The following EIF4G1 variants were observed in gnomAD, a reference collection of about 807,000 sequenced individuals.
EIF4G1 encodes eukaryotic translation initiation factor 4 gamma 1, also known as EIF4-gamma.
A neutral mutation model predicts 187.8 loss-of-function variants in EIF4G1; 4 were observed. The observed-to-expected ratio is 0.02, with a 90% CI of 0.01 to 0.05. The LOEUF (loss-of-function observed/expected upper bound fraction) is 0.05. Among genes scored for constraint, EIF4G1 ranks in the 10% least tolerant of loss-of-function variants. The probability of loss-of-function intolerance (pLI) is 1.00; values close to 1 mark genes in which losing one functional copy is unlikely to be tolerated. For synonymous variants in EIF4G1, 844 were observed against 781.4 expected (o/e 1.08, Z -1.34); for missense variants, 1,647 against 2,081.1 (o/e 0.79, Z 4.06).
At chr3:184,331,681 G>A in intron 30 of EIF4G1, 47 bp from the exon 31 acceptor site, 1 of 1,614,048 alleles carries the variant, frequency 6.2e-7, no homozygotes, top group South Asian at 1.1e-5. Context: ...AATGAAGACT[G>A]AAGGGCCCAA....
rs552262633 is a variant in EIF4G1, at chr3:184,332,379, C to T, written c.4618+293C>T. On this transcript the variant is annotated intron_variant, in intron 32 of 32. Coordinates refer to ENST00000346169, the MANE Select transcript of EIF4G1 (RefSeq NM_198241.3). ...ATCTTCCCAGTACCGTGTGCCCCCA[C>T]GGCGTGGCACAGGGCTGAAATGCTT... is the stretch of plus-strand genomic sequence containing the variant. 5.9e-5 allele frequency among the ~76,000 whole-genome samples: 9 copies of T among 152,328 alleles called. No individual in the cohort carries two copies. The Middle Eastern group carries it at 0.014, about 230-fold the overall frequency.
rs1409430751 is a variant in EIF4G1 at position 184,321,548 on chromosome 3, G to A, written c.964G>A (p.Glu322Lys). The change falls in exon 10 of 33, where the codon GAA (glutamate) becomes AAA (lysine). Residue 322 changes from glutamate (E) to lysine (K), a missense_variant. Glu to Lys is a moderately conservative substitution (Grantham distance 56). This residue lies in a region of EIF4G1 where 522 missense variants were observed against 485.2 expected (regional missense o/e 1.08). Coordinates refer to ENST00000346169, the MANE Select transcript of EIF4G1 (RefSeq NM_198241.3). ...CTCTCCAGAACCCACTCCTCTCGCC[G>A]AACCCATACTGGAAGTAGAAGTGAC... ...RLSPEPTPLAEPILEVEVTLS... is the reference protein window; with the variant it reads ...RLSPEPTPLAKPILEVEVTLS... 4.3e-6 allele frequency: 7 copies of A among 1,614,104 alleles called. No homozygotes were observed. The highest frequency in any genetic ancestry group is 5.1e-6 in the Non-Finnish European group (6 of 1,180,016).
intron 28 of EIF4G1, 29 bp from the exon 29 acceptor site, chr3:184,331,237 G>A (rs1726041858): frequency 1.2e-6 from 2 of 1,611,500 alleles, no homozygotes; most frequent in Non-Finnish European, 1.7e-6. Flanking sequence ...GAGAGCTTTG[G>A]TAAGCTGGGT....
At chr3:184,326,241 C>G (rs1724879854) in intron 21 of EIF4G1, among the ~76,000 whole-genome samples, 1 of 151,848 alleles carries the variant, frequency 6.6e-6, no homozygotes, top group Admixed American at 6.6e-5. Context: ...TGCGAAAAAT[C>G]AAAAAGTGAA....
chr3:184,320,563 G>A lies in EIF4G1; in HGVS notation c.538-67G>A. The A allele has an allele frequency of 3.7e-6, 6 of 1,612,834 alleles. 1 individual carries two copies. In the Admixed American group the frequency reaches 6.7e-5, roughly 18 times the overall value. On this transcript the variant is annotated intron_variant, in intron 7 of 32. Coordinates refer to ENST00000346169, the MANE Select transcript of EIF4G1 (RefSeq NM_198241.3). ...GTGGGGAGTTGGCCCAGAGTCTTAA[G>A]ATTGGGGCAGGGTGGAGAGGTGGGC... is the stretch of plus-strand genomic sequence containing the variant.
rs763036356 is a variant in EIF4G1, at chr3:184,323,783, C to G, written c.2278C>G (p.Leu760Val). The change falls in exon 16 of 33, where the codon CTA becomes GTA. Residue 760 changes from leucine to valine, a missense_variant. Physicochemically the swap from Leu to Val is conservative, Grantham distance 32 (BLOSUM62 1). Coordinates refer to ENST00000346169, the MANE Select transcript of EIF4G1 (RefSeq NM_198241.3). The surrounding 1 kb of genome is among the most constrained non-coding windows in gnomAD (Gnocchi z 6.9). ...CTCTTGTCTCTTCTCCCTCCAGGACCTATTCCGCAGGGTGCGCTCCATCCT... is the reference window on the plus strand; with the variant it reads ...CTCTTGTCTCTTCTCCCTCCAGGACGTATTCCGCAGGGTGCGCTCCATCCT... Reference protein sequence around the residue: ...EDADGSKTQDLFRRVRSILNK... With the variant: ...EDADGSKTQDVFRRVRSILNK... 1.5e-5 allele frequency: 24 copies of G among 1,613,706 alleles called. No homozygotes were observed. The highest frequency in any genetic ancestry group is 2.0e-5 in the Non-Finnish European group (24 of 1,180,050).
chr3:184,315,081 T>TGCGCAGGGAGG (rs1480070200), intron 1 of EIF4G1: 11 of 296,944 alleles, frequency 3.7e-5, no homozygotes, highest in Non-Finnish European at 6.5e-5. Flanking sequence ...TGGCCCGCGC[T>TGCGCAGGGAGG]GCGCAGGGAG....
chr3:184,315,379 T>C, intron 1 of EIF4G1, 110 bp from the exon 2 acceptor site: 1 of 524,938 alleles, frequency 1.9e-6, no homozygotes, highest in South Asian at 1.4e-5. Flanking sequence ...CCGAAGCAGC[T>C]AGCTCCGTTC....
rs530951945 is a variant in EIF4G1, at chr3:184,325,217, G to A, written c.2857-52G>A. Reference sequence around the variant, plus strand: ...GGCCTGAGGAGGGGTGGGGCCTGCAGTTATAGGTGGGACATGAGAAGTTCC... The same window carrying A: ...GGCCTGAGGAGGGGTGGGGCCTGCAATTATAGGTGGGACATGAGAAGTTCC... On this transcript the variant is annotated intron_variant, in intron 18 of 32. Coordinates refer to ENST00000346169, the MANE Select transcript of EIF4G1 (RefSeq NM_198241.3). The surrounding 1 kb of genome is among the most constrained non-coding windows in gnomAD (Gnocchi z 5.2). 1 of 1,609,408 alleles carries A rather than the reference G, an allele frequency of 6.2e-7. No individual in the cohort carries two copies. The highest frequency in any genetic ancestry group is 1.1e-5 in the South Asian group (1 of 91,000).
rs1392800545 is a variant in EIF4G1 at position 184,323,263 on chromosome 3, G to A, written c.2088+22G>A. 2 of 1,613,920 alleles carry A rather than the reference G, an allele frequency of 1.2e-6. No homozygotes were observed. The highest frequency in any genetic ancestry group is 1.7e-6 in the Non-Finnish European group (2 of 1,179,854). On this transcript the variant is annotated intron_variant, in intron 14 of 32. Coordinates refer to ENST00000346169, the MANE Select transcript of EIF4G1 (RefSeq NM_198241.3). The surrounding 1 kb of genome is among the most constrained non-coding windows in gnomAD (Gnocchi z 6.9). ...GCCGGTGAGTGGGGCTGGGTAAAGT[G>A]GCAGGTGGGCAAGGAGTGGGAGTGG...
rs149179930 is a variant in EIF4G1, at chr3:184,327,216, G to A, written c.3429G>A (p.Arg1143=). 36 of 1,612,472 alleles carry A rather than the reference G, an allele frequency of 2.2e-5. No homozygotes were observed. The highest frequency in any genetic ancestry group is 2.8e-5 in the Non-Finnish European group (33 of 1,180,052). The change falls in exon 24 of 33, where the codon AGG becomes AGA. Residue 1143 remains arginine, a splice_region_variant and synonymous_variant. Transcript: ENST00000346169. ...GAAAATTTGTCTGTCTGTCTTCCAG[G>A]AGTAGCTTGAGCCGAGAACGAGGCG... ...ESTDNRRVVQ[R]SSLSRERGEK...
rs772950492 is a variant in EIF4G1, at chr3:184,322,602, C to T, written c.1667C>T (p.Pro556Leu). ...CCTCCTGCAGGCAGCAATCCAGGCC[C>T]AGAGTCTGAGGGCAGTGGTGTGCCC... The part of the protein sequence containing the change: ...NQPPAGSNPG[P>L]ESEGSGVPPR... Residue 556 changes from proline (P) to leucine (L), a missense_variant, in exon 12 of 33, where the codon CCA (proline) becomes CTA (leucine). Pro to Leu is a moderately conservative substitution (Grantham distance 98). Around this residue, in one of 11 missense-constraint regions of EIF4G1, gnomAD observed 522 missense variants for 485.2 expected, o/e 1.08. Transcript: ENST00000346169. 30 of 1,614,052 alleles carry T rather than the reference C, an allele frequency of 1.9e-5. No individual in the cohort carries two copies. The highest frequency in any genetic ancestry group is 2.4e-5 in the Non-Finnish European group (28 of 1,180,054).
In EIF4G1 at chr3:184,321,988, A is replaced by G; in HGVS notation, c.1404A>G (p.Ala468=). 6.2e-7 allele frequency: 1 copy of G among 1,608,762 alleles called. No individual in the cohort carries two copies. The highest frequency in any genetic ancestry group is 8.5e-7 in the Non-Finnish European group (1 of 1,176,444). The stretch of plus-strand genomic sequence containing the variant: ...AAGAAGAAGAGGAAGAAGGAGAAGC[A>G]GGAGAAGCAGGAGAAGCTGAGAGTG... ...EEEEEEEEGE[A]GEAGEAESEK... The change falls in exon 10 of 33, where the codon GCA becomes GCG. Residue 468 remains alanine, a synonymous_variant. Coordinates refer to ENST00000346169, the MANE Select transcript of EIF4G1 (RefSeq NM_198241.3).
rs576950404 is a variant in EIF4G1 at position 184,319,258 on chromosome 3, TTC to T, written c.425-426_425-425del. ...AATGGAACAGGGTTGGCAGATCTCTTTCTCTCATTACCAGCCAAAGACCTGGT... is the reference window on the plus strand; with the variant it reads ...AATGGAACAGGGTTGGCAGATCTCTTTCTCATTACCAGCCAAAGACCTGGT... On this transcript the variant is annotated intron_variant, in intron 6 of 32. Transcript: ENST00000346169. 6.0e-4 allele frequency: 120 copies of T among 199,652 alleles called. 3 individuals are homozygous for T. The East Asian group carries it at 0.014, about 23-fold the overall frequency. The allele number at this position is 199,652 out of a possible 1,614,324, so 12.4% of individuals were successfully genotyped here.
chr3:184,315,449 C>T (rs781516281), intron 1 of EIF4G1, 40 bp from the exon 2 acceptor site: 3 of 580,674 alleles, frequency 5.2e-6, no homozygotes, highest in Non-Finnish European at 6.7e-6. Flanking sequence ...GGTCTGGGGC[C>T]CCGCGGAGCC....
At position 184,315,787 on chromosome 3, in the gene EIF4G1, A is replaced by G; in HGVS notation, c.-10A>G. The G allele has an allele frequency of 6.4e-7, 1 of 1,551,584 alleles. No individual in the cohort carries two copies. Among genetic ancestry groups the G allele is most frequent in the East Asian group, 2.4e-5 (1 of 40,928 alleles). On this transcript the variant is annotated 5_prime_UTR_variant, in exon 3 of 33. Coordinates refer to ENST00000346169, the MANE Select transcript of EIF4G1 (RefSeq NM_198241.3). ...GGTGCTGGGGGGACCCTGATGTGGC[A>G]CCAAATGAAATGAACAAAGCTCCAC...
At chr3:184,332,228 CT>C (rs1157624001) in intron 32 of EIF4G1, 142 bp downstream of exon 32, 2 of 1,113,434 alleles carry the variant, frequency 1.8e-6, no homozygotes, top group African/African-American at 3.1e-5. Context: ...TCATTCTTTC[CT>C]TTTACGTTTG....
Position 184,323,311 on chromosome 3 carries a change from G to T in EIF4G1, c.2088+70G>T. Reference sequence around the variant, plus strand: ...TGGATGATTCCGTGTCTCAGTGCCCGCGGGGAGGGGTTTGCCCTGGAGGCG... The same window carrying T: ...TGGATGATTCCGTGTCTCAGTGCCCTCGGGGAGGGGTTTGCCCTGGAGGCG... On this transcript the variant is annotated intron_variant, in intron 14 of 32. Coordinates refer to ENST00000346169, the MANE Select transcript of EIF4G1 (RefSeq NM_198241.3). The surrounding 1 kb of genome is among the most constrained non-coding windows in gnomAD (Gnocchi z 6.9). The T allele has an allele frequency of 6.2e-7, 1 of 1,611,502 alleles. No individual in the cohort carries two copies. The highest frequency in any genetic ancestry group is 1.1e-5 in the South Asian group (1 of 90,948).
chr3:184,318,758 C>G (rs931643814), intron 6 of EIF4G1, among the ~76,000 whole-genome samples: 1 of 152,026 alleles, frequency 6.6e-6, no homozygotes, highest in Non-Finnish European at 1.5e-5. Flanking sequence ...GCGTGTGCCA[C>G]CACACCCAGC....
Sources: gnomAD v4.1 joint callset for allele counts (sites outside exome capture counted in the v4.1 genomes callset) on GRCh38, gnomAD v4.1.1 for gene constraint, gnomAD v4.1.1 regional missense constraint, Gnocchi (gnomAD v3.1) non-coding constraint, MANE v1.5 for transcripts, NCBI Gene and HGNC (gene_info 2026-07-23, HGNC 2026-07-21) for gene names.